The following IFT56 variants were observed in gnomAD, a reference collection of about 807,000 sequenced individuals.
The protein encoded by IFT56 is intraflagellar transport 56.
At chr7:139,142,167 G>A in the IFT56 span, 159,863 of 1,370,128 alleles carry the variant, frequency 0.12, 20,624 homozygotes, top group African/African-American at 0.49. Context: ...AGTAAGGTTT[G>A]GGAAGATTCA....
chr7:139,161,677 C>G, the IFT56 span, among the ~76,000 whole-genome samples: 3 of 152,156 alleles, frequency 2.0e-5, no homozygotes, highest in Non-Finnish European at 4.4e-5. Context: ...TTTTGTAGTA[C>G]CAATTCTTCC....
chr7:139,185,436 T>C, the IFT56 span, among the ~76,000 whole-genome samples: 1 of 152,072 alleles, frequency 6.6e-6, no homozygotes, highest in Non-Finnish European at 1.5e-5. Context: ...TAATTATTAA[T>C]ACTTCAAAAT....
At chr7:139,137,842 T>G in the IFT56 span, 1 of 1,610,524 alleles carries the variant, frequency 6.2e-7, no homozygotes, top group Non-Finnish European at 8.5e-7. Context: ...ATTTTTAACC[T>G]GAAGTTCAAA....
the IFT56 span, chr7:139,137,969 A>T: frequency 2.9e-6 from 4 of 1,375,408 alleles, no homozygotes; most frequent in Non-Finnish European, 4.1e-6. Flanking sequence ...TTTTCCTAAC[A>T]GAACTGTGTT....
At chr7:139,165,116 A>G in the IFT56 span, 1 of 1,599,312 alleles carries the variant, frequency 6.3e-7, no homozygotes, top group South Asian at 1.1e-5. Flanking sequence ...TAATAGCATG[A>G]TTTCTGTATC....
At chr7:139,188,012 CT>C in the IFT56 span, among the ~76,000 whole-genome samples, 2 of 151,034 alleles carry the variant, frequency 1.3e-5, no homozygotes, top group African/African-American at 4.9e-5. Flanking sequence ...TTTCTTTCAC[CT>C]TCTCATATTC....
the IFT56 span, among the ~76,000 whole-genome samples, chr7:139,154,353 C>CTT: frequency 6.7e-4 from 88 of 131,784 alleles, no homozygotes; most frequent in South Asian, 1.7e-3. Flanking sequence ...CAAAGTTATC[C>CTT]TTTTTTTTTT....
chr7:139,135,800 C>T, the IFT56 span, among the ~76,000 whole-genome samples: 3 of 152,120 alleles, frequency 2.0e-5, no homozygotes, highest in African/African-American at 7.2e-5. Flanking sequence ...TTGTGTTGTA[C>T]CACACTCATT....
At chr7:139,188,057 T>C in the IFT56 span, among the ~76,000 whole-genome samples, 4 of 151,798 alleles carry the variant, frequency 2.6e-5, no homozygotes, top group Admixed American at 1.3e-4. Context: ...TACATAAAAT[T>C]AATAAAATTC....
the IFT56 span, among the ~76,000 whole-genome samples, chr7:139,138,898 C>T: frequency 6.6e-6 from 1 of 151,578 alleles, no homozygotes; most frequent in Non-Finnish European, 1.5e-5. Flanking sequence ...GCAACCTCCG[C>T]CTCCCGGGTT....
the IFT56 span, chr7:139,168,575 A>G: frequency 4.4e-5 from 26 of 591,608 alleles, no homozygotes; most frequent in Non-Finnish European, 7.4e-5. Context: ...GAGACAAAAA[A>G]AAAAAACAAA....
the IFT56 span, among the ~76,000 whole-genome samples, chr7:139,143,521 T>C: frequency 6.6e-6 from 1 of 152,264 alleles, no homozygotes; most frequent in East Asian, 1.9e-4. Context: ...TTGCCTATTA[T>C]ATCTCTCATC....
the IFT56 span, chr7:139,140,096 GAA>G: frequency 1.3e-4 from 94 of 716,122 alleles, 1 homozygote; most frequent in African/African-American, 1.6e-3. Flanking sequence ...TTTCTCTTGA[GAA>G]AAAAAAAATT....
the IFT56 span, chr7:139,148,370 C>T: frequency 4.4e-6 from 7 of 1,607,728 alleles, no homozygotes; most frequent in African/African-American, 8.0e-5. Flanking sequence ...AATGGCAGAG[C>T]AGCTGAGGTA....
the IFT56 span, among the ~76,000 whole-genome samples, chr7:139,188,089 TTTTTTTTCTTTC>T: frequency 7.3e-5 from 11 of 151,484 alleles, no homozygotes; most frequent in Non-Finnish European, 1.3e-4. Context: ...CTTTTTCTTT[TTTTTTTTCTTTC>T]TTTCTTTTTT....
chr7:139,137,874 G>A, the IFT56 span: 2 of 1,613,416 alleles, frequency 1.2e-6, no homozygotes, highest in East Asian at 2.2e-5. Flanking sequence ...GGAAGAAGAA[G>A]AGGATACTAA....
the IFT56 span, chr7:139,178,307 G>A: frequency 6.2e-7 from 1 of 1,605,818 alleles, no homozygotes; most frequent in East Asian, 2.2e-5. Context: ...TTTAAGGTCA[G>A]TATAGAATTA....
the IFT56 span, chr7:139,173,426 G>T: frequency 3.8e-6 from 2 of 529,462 alleles, no homozygotes; most frequent in Non-Finnish European, 6.8e-6. Flanking sequence ...ACGAGGTTTC[G>T]CCATGTTGGC....
At chr7:139,135,437 G>T in the IFT56 span, among the ~76,000 whole-genome samples, 1 of 152,144 alleles carries the variant, frequency 6.6e-6, no homozygotes, top group Non-Finnish European at 1.5e-5. Context: ...ACCAATGTAT[G>T]ATTTTTTCCT....
Sources: allele counts gnomAD v4.1 joint callset (sites outside exome capture counted in the v4.1 genomes callset), GRCh38; gene constraint gnomAD v4.1.1; transcripts MANE v1.5; gene names NCBI Gene and HGNC (gene_info 2026-07-23, HGNC 2026-07-21).